The following KCNH5 variants were observed in gnomAD, a reference collection of about 807,000 sequenced individuals.
The protein encoded by KCNH5 is potassium voltage-gated channel subfamily H member 5.
Under a neutral mutation model 96.1 loss-of-function variants are expected in KCNH5, and 46 were observed. The ratio of observed to expected loss-of-function variants is 0.48; its 90% confidence interval spans 0.38 to 0.61. KCNH5 has a LOEUF of 0.61. Ranked by LOEUF, KCNH5 falls within the 20% of genes least tolerant of loss-of-function variation. The pLI is 0.00. For missense variants in KCNH5, 907 were observed against 1,225.8 expected (o/e 0.74, Z 3.88); for synonymous variants, 439 against 449.8 (o/e 0.98, Z 0.30).
chr14:62,929,567 TATCTC>T (rs2140114787), intron 7 of KCNH5, among the ~76,000 whole-genome samples: 1 of 152,230 alleles, frequency 6.6e-6, no homozygotes, highest in African/African-American at 2.4e-5. Context: ...TCCTCACTCT[TATCTC>T]AGACACTCTG....
At chr14:62,904,213 C>T (rs10136372) in intron 7 of KCNH5, among the ~76,000 whole-genome samples, 18,671 of 152,122 alleles carry the variant, frequency 0.12, 1,335 homozygotes, top group East Asian at 0.28. Flanking sequence ...GAATTATTTA[C>T]GAATTGAAAA....
At chr14:62,935,004 A>G (rs1253093151) in intron 7 of KCNH5, among the ~76,000 whole-genome samples, 1 of 152,204 alleles carries the variant, frequency 6.6e-6, no homozygotes, top group African/African-American at 2.4e-5. Flanking sequence ...ACTCTACAAC[A>G]TGATAGACAC....
At chr14:62,854,028 C>CA (rs991495937) in intron 7 of KCNH5, among the ~76,000 whole-genome samples, 7 of 119,970 alleles carry the variant, frequency 5.8e-5, no homozygotes, top group African/African-American at 1.5e-4. Context: ...ACAAAAAAAA[C>CA]AAAAAAAACA....
chr14:62,960,323 T>C (rs1251509794), intron 6 of KCNH5, among the ~76,000 whole-genome samples: 1 of 152,178 alleles, frequency 6.6e-6, no homozygotes, highest in African/African-American at 2.4e-5. Context: ...CACTTGTCTC[T>C]TTGTGATTGT....
chr14:62,840,676 T>G (rs1398794660), intron 8 of KCNH5, among the ~76,000 whole-genome samples: 3 of 149,694 alleles, frequency 2.0e-5, no homozygotes, highest in Non-Finnish European at 3.0e-5. Context: ...GTTCAAGTGA[T>G]TCTCCTGTCT....
intron 10 of KCNH5, among the ~76,000 whole-genome samples, chr14:62,752,480 C>A (rs1474371092): frequency 3.0e-5 from 1 of 33,750 alleles, no homozygotes; most frequent in Non-Finnish European, 7.3e-5. Context: ...TCCTACTGTC[C>A]TGTCCTGAAG....
At chr14:62,969,840 TC>T (rs1890369999) in intron 6 of KCNH5, among the ~76,000 whole-genome samples, 1 of 137,632 alleles carries the variant, frequency 7.3e-6, no homozygotes, top group African/African-American at 2.8e-5. Flanking sequence ...GGCAGGCAGA[TC>T]ACCTGATCTC....
chr14:62,791,399 C>T (rs572857755), intron 9 of KCNH5, among the ~76,000 whole-genome samples: 4 of 151,474 alleles, frequency 2.6e-5, no homozygotes, highest in Non-Finnish European at 5.9e-5. Flanking sequence ...GCAACAATGA[C>T]AAAAGGGCAA....
At chr14:62,930,326 T>C (rs1486329539) in intron 7 of KCNH5, among the ~76,000 whole-genome samples, 1 of 152,150 alleles carries the variant, frequency 6.6e-6, no homozygotes, top group East Asian at 1.9e-4. Context: ...TTTAAATTTC[T>C]GTAGGCAAAG....
chr14:62,936,980 C>CA (rs5809179), intron 7 of KCNH5, among the ~76,000 whole-genome samples: 35,355 of 62,152 alleles, frequency 0.57, 9,910 homozygotes, highest in South Asian at 0.68. Context: ...GACTCCATCT[C>CA]AAAAAAAAAA....
intron 2 of KCNH5, among the ~76,000 whole-genome samples, chr14:63,011,478 C>CA (rs199730487): frequency 0.022 from 2,727 of 125,396 alleles, 84 homozygotes; most frequent in African/African-American, 0.068. Context: ...AAGTCTGTCT[C>CA]AAAAAAAAAA....
chr14:62,916,744 T>C (rs1889283025), intron 7 of KCNH5, among the ~76,000 whole-genome samples: 1 of 152,058 alleles, frequency 6.6e-6, no homozygotes, highest in Non-Finnish European at 1.5e-5. Context: ...CAACGGAGGG[T>C]CATGCCAATA....
At chr14:62,839,550 G>T (rs10140305) in intron 8 of KCNH5, among the ~76,000 whole-genome samples, 3 of 150,542 alleles carry the variant, frequency 2.0e-5, no homozygotes, top group Non-Finnish European at 4.4e-5. Flanking sequence ...AAACAAATAT[G>T]TGATGATTAG....
chr14:62,930,441 A>G (rs568888297), intron 7 of KCNH5, among the ~76,000 whole-genome samples: 1 of 152,208 alleles, frequency 6.6e-6, no homozygotes, highest in East Asian at 1.9e-4. Flanking sequence ...TTTACTTGAG[A>G]CTCAAGCCAA....
chr14:62,893,197 T>C (rs937384934), intron 7 of KCNH5, among the ~76,000 whole-genome samples: 6 of 152,046 alleles, frequency 3.9e-5, no homozygotes, highest in African/African-American at 1.4e-4. Context: ...TTAACATGAG[T>C]CTGGAAGAAG....
chr14:62,918,143 A>G (rs1040899508), intron 7 of KCNH5, among the ~76,000 whole-genome samples: 1 of 152,168 alleles, frequency 6.6e-6, no homozygotes, highest in Admixed American at 6.5e-5. Flanking sequence ...TCATCTGAAG[A>G]ATGTTAATAA....
intron 7 of KCNH5, among the ~76,000 whole-genome samples, chr14:62,862,419 A>G (rs1335731304): frequency 6.6e-6 from 1 of 152,144 alleles, no homozygotes; most frequent in African/African-American, 2.4e-5. Flanking sequence ...TTTTGCTTCT[A>G]AATCTTTGTT....
chr14:62,761,837 C>T (rs1182960402), intron 10 of KCNH5, among the ~76,000 whole-genome samples: 2 of 152,096 alleles, frequency 1.3e-5, no homozygotes, highest in Non-Finnish European at 2.9e-5. Context: ...AAGACTGGCA[C>T]ACTGTGAGGG....
intron 7 of KCNH5, among the ~76,000 whole-genome samples, chr14:62,885,323 A>G (rs1296839658): frequency 1.3e-5 from 2 of 152,212 alleles, no homozygotes; most frequent in East Asian, 3.8e-4. Flanking sequence ...TAAAATTATT[A>G]TGATATCACT....
Sources: gnomAD v4.1 joint callset for allele counts (sites outside exome capture counted in the v4.1 genomes callset) on GRCh38, gnomAD v4.1.1 for gene constraint, MANE v1.5 for transcripts, NCBI Gene and HGNC (gene_info 2026-07-23, HGNC 2026-07-21) for gene names.